The following PPP2R3A variants were observed in gnomAD, a reference collection of about 807,000 sequenced individuals.
PPP2R3A encodes the protein serine/threonine-protein phosphatase 2A regulatory subunit B'' subunit alpha.
Under a neutral mutation model 106.9 loss-of-function variants are expected in PPP2R3A, and 80 were observed. The observed-to-expected ratio is 0.75, with a 90% CI of 0.62 to 0.90. The LOEUF is 0.90. PPP2R3A is among the 40% of genes least tolerant of loss of function. The probability of loss-of-function intolerance (pLI) is 0.00; values close to 1 mark genes in which losing one functional copy is unlikely to be tolerated. For synonymous variants in PPP2R3A, 483 were observed against 468.3 expected (o/e 1.03, Z -0.41); for missense variants, 1,386 against 1,350.4 (o/e 1.03, Z -0.41).
intron 3 of PPP2R3A, among the ~76,000 whole-genome samples, chr3:136,035,455 G>C (rs543340994): frequency 6.6e-6 from 1 of 152,100 alleles, no homozygotes; most frequent in South Asian, 2.1e-4. Context: ...TTTGTTTTTC[G>C]GAAAAAGACT....
chr3:136,019,138 C>G (rs1308678617), intron 2 of PPP2R3A, among the ~76,000 whole-genome samples: 1 of 152,154 alleles, frequency 6.6e-6, no homozygotes, highest in East Asian at 1.9e-4. Flanking sequence ...ATCTGCAGGC[C>G]AAGAAGAGAT....
At chr3:136,093,673 A>G (rs1042976151) in intron 10 of PPP2R3A, among the ~76,000 whole-genome samples, 2 of 152,218 alleles carry the variant, frequency 1.3e-5, no homozygotes, top group African/African-American at 2.4e-5. Context: ...ATTAGTCATC[A>G]GAGAAGTGCA....
At chr3:136,000,831 G>T (rs921645872) in intron 1 of PPP2R3A, among the ~76,000 whole-genome samples, 3 of 152,118 alleles carry the variant, frequency 2.0e-5, no homozygotes, top group Non-Finnish European at 4.4e-5. Flanking sequence ...CATGCAATAA[G>T]AAATTCATCT....
chr3:135,975,833 A>G (rs921048375), intron 1 of PPP2R3A, among the ~76,000 whole-genome samples: 1 of 152,110 alleles, frequency 6.6e-6, no homozygotes, highest in African/African-American at 2.4e-5. Flanking sequence ...TATTACATAT[A>G]TAAGATATAT....
intron 13 of PPP2R3A, among the ~76,000 whole-genome samples, chr3:136,125,242 C>T (rs1017225838): frequency 6.6e-6 from 1 of 152,202 alleles, no homozygotes; most frequent in Non-Finnish European, 1.5e-5. Flanking sequence ...ATTGCTTGAA[C>T]TCAAGAGGCA....
chr3:136,001,894 C>G lies in PPP2R3A; in HGVS notation c.396C>G (p.Leu132=). 1.9e-6 allele frequency: 3 copies of G among 1,614,080 alleles called. No homozygotes were observed. Among genetic ancestry groups the G allele is most frequent in the Non-Finnish European group, 2.5e-6 (3 of 1,179,994 alleles). ...TAAAAGAATTTTCCTTTGAAAAACT[C>G]AAAAACTCTAACCATGCAGCTTACA... ...GKIKEFSFEK[L]KNSNHAAYRK... The change falls in exon 2 of 14, where the codon CTC becomes CTG. Residue 132 remains leucine, a synonymous_variant. Coordinates refer to ENST00000264977, the MANE Select transcript of PPP2R3A (RefSeq NM_002718.5).
chr3:136,094,334 T>C (rs1937167878), intron 10 of PPP2R3A, among the ~76,000 whole-genome samples: 1 of 152,180 alleles, frequency 6.6e-6, no homozygotes, highest in Non-Finnish European at 1.5e-5. Flanking sequence ...TAAAAACCCT[T>C]GAATTGTACA....
chr3:136,051,645 A>T (rs909240408), intron 5 of PPP2R3A, among the ~76,000 whole-genome samples: 5 of 152,162 alleles, frequency 3.3e-5, no homozygotes, highest in Admixed American at 6.5e-5. Context: ...ATGATTTTTT[A>T]AAAAGATTTT....
chr3:136,134,988 A>G (rs563403206), intron 13 of PPP2R3A, among the ~76,000 whole-genome samples: 1 of 152,316 alleles, frequency 6.6e-6, no homozygotes, highest in South Asian at 2.1e-4. Flanking sequence ...CTAAACAAAT[A>G]GACATGTTCA....
intron 5 of PPP2R3A, among the ~76,000 whole-genome samples, chr3:136,069,350 G>A (rs1310120351): frequency 6.6e-6 from 1 of 152,140 alleles, no homozygotes; most frequent in Non-Finnish European, 1.5e-5. Flanking sequence ...GCCTAGGGGA[G>A]TGGATCACTT....
At chr3:136,097,969 AGATAT>A (rs1024596315) in intron 10 of PPP2R3A, among the ~76,000 whole-genome samples, 5 of 152,264 alleles carry the variant, frequency 3.3e-5, no homozygotes, top group Admixed American at 6.5e-5. Context: ...TTCTGAGAGT[AGATAT>A]GATATGACTG....
At chr3:136,113,786 C>A (rs1434520147) in intron 13 of PPP2R3A, among the ~76,000 whole-genome samples, 7 of 150,230 alleles carry the variant, frequency 4.7e-5, no homozygotes, top group Admixed American at 6.6e-5. Flanking sequence ...CAGAGCAAGA[C>A]CCTGTGTCAG....
rs575901741 is a variant in PPP2R3A at position 136,126,322 on chromosome 3, C to T, written c.3330-18721C>T. ...ACTGGCAGACAAGGAGATTCTCTCC[C>T]GTGCCTGGCTCGGCAGGTCCCATGC... On this transcript the variant is annotated intron_variant, in intron 13 of 13. Transcript: ENST00000264977. Among the ~76,000 whole-genome samples the T allele has an allele frequency of 5.3e-5, 8 of 152,346 alleles. No individual in the cohort carries two copies. In the East Asian group the frequency reaches 9.6e-4, roughly 18 times the overall value.
chr3:136,120,817 A>T (rs1937968193), intron 13 of PPP2R3A, among the ~76,000 whole-genome samples: 1 of 152,198 alleles, frequency 6.6e-6, no homozygotes, highest in Non-Finnish European at 1.5e-5. Context: ...GGCAACAAGC[A>T]TATGAAAAAA....
intron 10 of PPP2R3A, among the ~76,000 whole-genome samples, chr3:136,099,665 G>A (rs1316270165): frequency 6.6e-6 from 1 of 151,784 alleles, no homozygotes; most frequent in Non-Finnish European, 1.5e-5. Context: ...TACGAAAATT[G>A]GAGAAACAGA....
At chr3:136,037,149 A>G (rs1935112289) in intron 3 of PPP2R3A, among the ~76,000 whole-genome samples, 1 of 152,240 alleles carries the variant, frequency 6.6e-6, no homozygotes, top group Non-Finnish European at 1.5e-5. Context: ...ACTCAAGTGT[A>G]GCTGTAAAGA....
At chr3:136,004,986 G>A (rs1933791209) in intron 2 of PPP2R3A, among the ~76,000 whole-genome samples, 1 of 152,050 alleles carries the variant, frequency 6.6e-6, no homozygotes, top group South Asian at 2.1e-4. Flanking sequence ...TTTGAGCAGG[G>A]GAACAAATGC....
chr3:136,037,114 G>C (rs1305673725), intron 3 of PPP2R3A, among the ~76,000 whole-genome samples: 1 of 152,218 alleles, frequency 6.6e-6, no homozygotes, highest in Non-Finnish European at 1.5e-5. Flanking sequence ...AGACCAGCTT[G>C]AGTTTGCCGC....
chr3:136,110,672 A>G (rs914715860), intron 13 of PPP2R3A, among the ~76,000 whole-genome samples: 5 of 152,238 alleles, frequency 3.3e-5, no homozygotes, highest in Non-Finnish European at 5.9e-5. Context: ...GTATGTGGCT[A>G]TGTTCCAATA....
Sources: allele counts gnomAD v4.1 joint callset (sites outside exome capture counted in the v4.1 genomes callset), GRCh38; gene constraint gnomAD v4.1.1; transcripts MANE v1.5; gene names NCBI Gene and HGNC (gene_info 2026-07-23, HGNC 2026-07-21).